Variants in PWWP2A observed in about 807,000 individuals in gnomAD.
The protein encoded by PWWP2A is PWWP domain containing 2A, also known as PWWP domain-containing protein 2A.
PWWP2A carries 18 observed loss-of-function variants against 48.5 expected under a neutral mutation model. That is an observed-to-expected ratio of 0.37 (90% CI 0.26 to 0.55). The LOEUF is 0.55. PWWP2A is among the 20% of genes least tolerant of loss of function. The probability of loss-of-function intolerance (pLI) is 0.81; values close to 1 mark genes in which losing one functional copy is unlikely to be tolerated. For synonymous variants in PWWP2A, 396 were observed against 387.7 expected, an observed-to-expected ratio of 1.02 and a Z score of -0.25; for missense variants, 867 against 976.4, an observed-to-expected ratio of 0.89 and a Z score of 1.49.
chr5:160,094,098 T>A (rs367905474), intron 1 of PWWP2A, 33 bp from the exon 2 acceptor site: 2 of 1,535,290 alleles, frequency 1.3e-6, no homozygotes, highest in Non-Finnish European at 1.8e-6. Flanking sequence ...AAAGAAGACA[T>A]TAAGTTAACA....
downstream of PWWP2A, among the ~76,000 whole-genome samples, chr5:160,075,250 T>C (rs1199437049): frequency 6.6e-6 from 1 of 152,196 alleles, no homozygotes; most frequent in Non-Finnish European, 1.5e-5. Context: ...ATTCCTGTGG[T>C]CTCTTTTTTA....
At chr5:160,048,608 C>T in the PWWP2A span, among the ~76,000 whole-genome samples, 1 of 152,148 alleles carries the variant, frequency 6.6e-6, no homozygotes, top group Non-Finnish European at 1.5e-5. Flanking sequence ...AGTGCTGGAG[C>T]AGTAGTTTGA....
chr5:160,093,115 G>C lies in PWWP2A; in HGVS notation c.1535C>G (p.Ser512Cys), dbSNP rs1345070864. Residue 512 changes from serine (S) to cysteine (C), a missense_variant, in exon 2 of 2, where the codon TCT becomes TGT. By Grantham distance (112) the Ser-to-Cys change is moderately radical. Transcript: ENST00000307063. This position sits in a 1 kb window ranked among gnomAD's most constrained non-coding sequence, Gnocchi z 5.8. ...MAPKPQSRCT[S>C]TRSAGEAPSE... Reference sequence around the variant, plus strand: ...AGGGGCCTCACCTGCTGAGCGGGTAGAGGTGCAGCGAGACTGGGGCTTGGG... The same window carrying C: ...AGGGGCCTCACCTGCTGAGCGGGTACAGGTGCAGCGAGACTGGGGCTTGGG... 6.2e-7 allele frequency: 1 copy of C among 1,613,956 alleles called. No homozygotes were observed.
At chr5:160,045,554 CCCCT>C in the PWWP2A span, among the ~76,000 whole-genome samples, 6 of 116,044 alleles carry the variant, frequency 5.2e-5, no homozygotes, top group African/African-American at 1.9e-4. Context: ...TCTCTCTCTC[CCCCT>C]CCCCTCTCTC....
chr5:160,114,624 G>A (rs890810465), intron 1 of PWWP2A, among the ~76,000 whole-genome samples: 10 of 151,766 alleles, frequency 6.6e-5, no homozygotes, highest in African/African-American at 9.7e-5. Context: ...TTTGCCCAGC[G>A]TGGTGGAGCA....
downstream of PWWP2A, chr5:160,091,201 C>A: frequency 1.0e-6 from 1 of 972,570 alleles, no homozygotes; most frequent in Non-Finnish European, 1.2e-6. Flanking sequence ...GTTTTCTTAT[C>A]TCAGATAATA....
downstream of PWWP2A, among the ~76,000 whole-genome samples, chr5:160,088,840 A>C (rs953984262): frequency 6.6e-6 from 1 of 152,214 alleles, no homozygotes; most frequent in African/African-American, 2.4e-5. Context: ...TTATAGACTT[A>C]AGGTATTTCC....
At chr5:160,108,475 A>G (rs1757122825) in intron 1 of PWWP2A, 1 of 636,268 alleles carries the variant, frequency 1.6e-6, no homozygotes, top group Non-Finnish European at 2.5e-6. Context: ...CAATCATTCA[A>G]GCATACTACT....
At chr5:160,072,392 ATAACGT>A (rs1753758482), downstream of PWWP2A, among the ~76,000 whole-genome samples, 2 of 152,234 alleles carry the variant, frequency 1.3e-5, no homozygotes, top group Non-Finnish European at 2.9e-5. Context: ...TAGGGTGAAA[ATAACGT>A]TAGCGCATGA....
chr5:160,116,800 A>C (rs1581298207), intron 1 of PWWP2A: 1 of 985,274 alleles, frequency 1.0e-6, no homozygotes, highest in Admixed American at 6.1e-5. Context: ...ACTATTATAT[A>C]CATCAGTAGA....
intron 3 of PWWP2A, among the ~76,000 whole-genome samples, chr5:160,079,237 T>C (rs1041731546): frequency 6.6e-6 from 1 of 152,100 alleles, no homozygotes; most frequent in African/African-American, 2.4e-5. Context: ...AGGAGGTACC[T>C]TCCCCATGAT....
At chr5:160,090,590 T>C (rs367657763), downstream of PWWP2A, 1 of 984,704 alleles carries the variant, frequency 1.0e-6, no homozygotes, top group East Asian at 1.1e-4. Flanking sequence ...ATTGAGTGAG[T>C]TCCCCATAAG....
At chr5:160,097,915 T>C (rs975661859) in intron 1 of PWWP2A, among the ~76,000 whole-genome samples, 12 of 152,060 alleles carry the variant, frequency 7.9e-5, no homozygotes, top group African/African-American at 2.4e-4. Context: ...GGTTTCATTA[T>C]GTTGGCCAAG....
intron 1 of PWWP2A, among the ~76,000 whole-genome samples, chr5:160,107,911 G>C (rs1236873914): frequency 6.6e-6 from 1 of 152,054 alleles, no homozygotes; most frequent in African/African-American, 2.4e-5. Flanking sequence ...TGAGGCACAA[G>C]AATTGTTTGA....
intron 1 of PWWP2A, among the ~76,000 whole-genome samples, chr5:160,101,806 T>TAA (rs34950891): frequency 2.8e-4 from 37 of 132,420 alleles, no homozygotes; most frequent in Admixed American, 7.7e-5. Context: ...AACCAACTAT[T>TAA]AAAAAAAAAA....
chr5:160,105,717 G>A, intron 1 of PWWP2A: 1 of 936,646 alleles, frequency 1.1e-6, no homozygotes, highest in Non-Finnish European at 1.3e-6. Context: ...AGAGGTTACA[G>A]TGAGCCAAGA....
At chr5:160,081,086 C>T (rs1224988026) in intron 2 of PWWP2A, among the ~76,000 whole-genome samples, 1 of 152,152 alleles carries the variant, frequency 6.6e-6, no homozygotes, top group Non-Finnish European at 1.5e-5. Flanking sequence ...AGGGGAAATG[C>T]TAACTCACAC....
At chr5:160,063,220 A>G (rs1753484242) in intron 5 of PWWP2A, among the ~76,000 whole-genome samples, 1 of 152,188 alleles carries the variant, frequency 6.6e-6, no homozygotes, top group Admixed American at 6.5e-5. Context: ...GGAGGCCTGT[A>G]AAATGTAAAG....
chr5:160,066,084 C>T (rs1384298592), intron 4 of PWWP2A, among the ~76,000 whole-genome samples: 1 of 152,100 alleles, frequency 6.6e-6, no homozygotes, highest in Admixed American at 6.6e-5. Context: ...TGTGGTTCTT[C>T]TCATCTGTTC....
Sources: gnomAD v4.1 joint callset for allele counts (sites outside exome capture counted in the v4.1 genomes callset) on GRCh38, gnomAD v4.1.1 for gene constraint, Gnocchi (gnomAD v3.1) non-coding constraint, MANE v1.5 for transcripts, NCBI Gene and HGNC (gene_info 2026-07-23, HGNC 2026-07-21) for gene names.